Variants in ARK2C observed in about 807,000 individuals in gnomAD.
The protein encoded by ARK2C is E3 ubiquitin-protein ligase ARK2C.
At chr18:46,397,470 G>T in the ARK2C span, among the ~76,000 whole-genome samples, 1 of 124,004 alleles carries the variant, frequency 8.1e-6, no homozygotes, top group African/African-American at 3.2e-5. Context: ...GTGTGTGTGT[G>T]GTCATGCTGA....
chr18:46,358,611 A>G, the ARK2C span, among the ~76,000 whole-genome samples: 69 of 152,258 alleles, frequency 4.5e-4, 1 homozygote, highest in African/African-American at 1.6e-3. Context: ...CTGTGGAGAA[A>G]GGAGGGGTGA....
the ARK2C span, among the ~76,000 whole-genome samples, chr18:46,452,245 T>C: frequency 2.0e-5 from 3 of 152,178 alleles, no homozygotes; most frequent in Non-Finnish European, 4.4e-5. Flanking sequence ...GTTGGGAGTA[T>C]AGGGTATATG....
At chr18:46,374,771 G>T in the ARK2C span, among the ~76,000 whole-genome samples, 1 of 152,160 alleles carries the variant, frequency 6.6e-6, no homozygotes, top group Non-Finnish European at 1.5e-5. Flanking sequence ...GCTGAACTGG[G>T]GGGGCTAGAG....
At chr18:46,366,292 CAAAA>C in the ARK2C span, among the ~76,000 whole-genome samples, 16 of 54,504 alleles carry the variant, frequency 2.9e-4, no homozygotes, top group African/African-American at 9.1e-4. Flanking sequence ...AACTCTGGCT[CAAAA>C]AAAAAAAAAA....
At chr18:46,384,677 T>C in the ARK2C span, among the ~76,000 whole-genome samples, 4 of 152,236 alleles carry the variant, frequency 2.6e-5, no homozygotes, top group South Asian at 8.3e-4. Flanking sequence ...CTCTTTCCAC[T>C]TGGGACCATG....
the ARK2C span, among the ~76,000 whole-genome samples, chr18:46,399,159 A>G: frequency 6.6e-6 from 1 of 152,206 alleles, no homozygotes; most frequent in African/African-American, 2.4e-5. Context: ...AAGCAGAGGT[A>G]GCTGTGCTTA....
At chr18:46,355,554 C>T in the ARK2C span, among the ~76,000 whole-genome samples, 33 of 152,244 alleles carry the variant, frequency 2.2e-4, no homozygotes, top group Admixed American at 3.9e-4. Context: ...CCCAAACCAG[C>T]GGTCCCAGCT....
the ARK2C span, chr18:46,386,776 T>A: frequency 6.6e-6 from 1 of 152,232 alleles, no homozygotes; most frequent in Non-Finnish European, 1.5e-5. Context: ...GAGCTGGACA[T>A]GCGGCTCTCA....
the ARK2C span, chr18:46,460,076 T>G: frequency 6.5e-6 from 1 of 152,782 alleles, no homozygotes; most frequent in Non-Finnish European, 1.5e-5. Flanking sequence ...CCAGTTGCCC[T>G]TGGCCACCAC....
chr18:46,451,499 T>C, the ARK2C span, among the ~76,000 whole-genome samples: 1 of 151,998 alleles, frequency 6.6e-6, no homozygotes, highest in African/African-American at 2.4e-5. Flanking sequence ...TATTCTGCAA[T>C]AAAAAGAAAT....
At chr18:46,456,729 G>T in the ARK2C span, 1 of 866,230 alleles carries the variant, frequency 1.2e-6, no homozygotes, top group East Asian at 2.4e-5. Flanking sequence ...TGAGCCATTT[G>T]ACGTAGAGGA....
At chr18:46,361,236 G>T in the ARK2C span, among the ~76,000 whole-genome samples, 2 of 152,100 alleles carry the variant, frequency 1.3e-5, no homozygotes, top group Non-Finnish European at 1.5e-5. Context: ...CTCCAGATGG[G>T]AAAACAAAAG....
At chr18:46,354,871 C>A in the ARK2C span, among the ~76,000 whole-genome samples, 1 of 152,162 alleles carries the variant, frequency 6.6e-6, no homozygotes, top group African/African-American at 2.4e-5. Context: ...TCTTTAAAGA[C>A]AAACATCAGT....
At chr18:46,430,468 G>A in the ARK2C span, among the ~76,000 whole-genome samples, 1 of 152,094 alleles carries the variant, frequency 6.6e-6, no homozygotes, top group Non-Finnish European at 1.5e-5. Context: ...CATTTTGCTG[G>A]GCACTCAGAG....
At chr18:46,346,360 A>C in the ARK2C span, among the ~76,000 whole-genome samples, 1 of 152,226 alleles carries the variant, frequency 6.6e-6, no homozygotes, top group Non-Finnish European at 1.5e-5. Context: ...ACGTACATTC[A>C]CAGTACTGTG....
At chr18:46,373,430 G>A in the ARK2C span, among the ~76,000 whole-genome samples, 2 of 152,244 alleles carry the variant, frequency 1.3e-5, no homozygotes, top group African/African-American at 2.4e-5. Context: ...CTCTCTCCAG[G>A]CCTTTTGACA....
At chr18:46,363,823 A>G in the ARK2C span, among the ~76,000 whole-genome samples, 5 of 152,042 alleles carry the variant, frequency 3.3e-5, no homozygotes, top group East Asian at 7.7e-4. Flanking sequence ...GGTCACATGA[A>G]TTCATAGGGG....
chr18:46,403,878 AAAAACAAAAC>A, the ARK2C span, among the ~76,000 whole-genome samples: 1 of 152,126 alleles, frequency 6.6e-6, no homozygotes, highest in Non-Finnish European at 1.5e-5. Flanking sequence ...CTCTGTCCAA[AAAAACAAAAC>A]AAAACAAAAC....
chr18:46,446,409 G>A, the ARK2C span, among the ~76,000 whole-genome samples: 1 of 152,108 alleles, frequency 6.6e-6, no homozygotes, highest in African/African-American at 2.4e-5. Flanking sequence ...GGTGGCTCAT[G>A]CCTGTAATCT....
Sources: allele counts gnomAD v4.1 joint callset (sites outside exome capture counted in the v4.1 genomes callset), GRCh38; gene constraint gnomAD v4.1.1; transcripts MANE v1.5; gene names NCBI Gene and HGNC (gene_info 2026-07-23, HGNC 2026-07-21).